The following ARHGEF4 variants were observed in gnomAD, a reference collection of about 807,000 sequenced individuals.
The protein encoded by ARHGEF4 is Rho guanine nucleotide exchange factor 4, also known as APC-stimulated guanine nucleotide exchange factor 1.
In ARHGEF4, 119 loss-of-function variants were observed where a neutral mutation model predicts 162.0. That is an observed-to-expected ratio of 0.73 (90% CI 0.63 to 0.86). The LOEUF (loss-of-function observed/expected upper bound fraction) is 0.86, where lower values mean the gene tolerates loss of function less well. ARHGEF4 is among the 40% of genes least tolerant of loss of function. ARHGEF4 has a pLI of 0.00. For missense variants in ARHGEF4, 2,488 were observed against 2,456.0 expected, an observed-to-expected ratio of 1.01 and a Z score of -0.28; for synonymous variants, 1,014 against 979.9, an observed-to-expected ratio of 1.03 and a Z score of -0.65.
intron 1 of ARHGEF4, among the ~76,000 whole-genome samples, chr2:130,842,224 G>A (rs1680660180): frequency 6.6e-6 from 1 of 152,162 alleles, no homozygotes; most frequent in African/African-American, 2.4e-5. Flanking sequence ...AGGAGCAAGG[G>A]TTCAGTGGGG....
intron 4 of ARHGEF4, among the ~76,000 whole-genome samples, chr2:130,984,616 G>A (rs1280321844): frequency 6.9e-6 from 1 of 144,512 alleles, no homozygotes; most frequent in African/African-American, 2.5e-5. Context: ...TTGAACCCGG[G>A]AGGCAGAGGT....
intron 1 of ARHGEF4, among the ~76,000 whole-genome samples, chr2:130,879,443 A>G (rs1273483093): frequency 6.6e-6 from 1 of 152,132 alleles, no homozygotes; most frequent in Non-Finnish European, 1.5e-5. Flanking sequence ...TGCTTTTTTG[A>G]TGAGAACTGT....
intron 3 of ARHGEF4, among the ~76,000 whole-genome samples, chr2:130,935,191 G>C (rs1213560091): frequency 1.3e-5 from 2 of 151,060 alleles, no homozygotes; most frequent in Non-Finnish European, 3.0e-5. Context: ...TAGAGACTGA[G>C]TTATGGGACT....
chr2:130,922,134 C>T (rs1024025945), intron 2 of ARHGEF4, among the ~76,000 whole-genome samples: 3 of 151,948 alleles, frequency 2.0e-5, no homozygotes, highest in African/African-American at 7.2e-5. Context: ...CTTTGGGAGG[C>T]CGAGGCAGCA....
At position 131,036,562 on chromosome 2, in the gene ARHGEF4, C is replaced by T. The variant is rs543060577; in HGVS notation, c.4126-2291C>T. ...CTTGCCCGACACCTGGTGACCTTCC[C>T]TGGCAGCTATGTGGGGGGCCACCTA... On this transcript the variant is annotated intron_variant, in intron 5 of 13. Transcript: ENST00000409359. Among the ~76,000 whole-genome samples, 178 of 152,352 alleles carry T rather than the reference C, an allele frequency of 1.2e-3. 1 individual carries two copies. Among genetic ancestry groups the T allele is most frequent in the African/African-American group, 3.8e-3 (156 of 41,598 alleles).
rs188000753 is a variant in ARHGEF4, at chr2:131,042,213, A to G, written c.5025+269A>G. Among the ~76,000 whole-genome samples the G allele has an allele frequency of 2.7e-3, 408 of 152,310 alleles. 4 individuals are homozygous for G. The highest frequency in any genetic ancestry group is 9.5e-3 in the African/African-American group (393 of 41,580). The stretch of plus-strand genomic sequence containing the variant: ...CCAGCCAGCCCAGGAGAAGCCCTCA[A>G]CAGAGGAAGTGTGTTCCTCAGCTGT... On this transcript the variant is annotated intron_variant, in intron 10 of 13. Transcript: ENST00000409359.
intron 4 of ARHGEF4, among the ~76,000 whole-genome samples, chr2:130,970,587 C>CA (rs57254908): frequency 8.6e-6 from 1 of 116,956 alleles, no homozygotes; most frequent in Non-Finnish European, 1.8e-5. Flanking sequence ...GAAACTCCAT[C>CA]AAAAAAAAAA....
chr2:130,970,667 C>A (rs549114372), intron 4 of ARHGEF4, among the ~76,000 whole-genome samples: 10 of 151,758 alleles, frequency 6.6e-5, no homozygotes, highest in South Asian at 4.2e-4. Flanking sequence ...ATTTTCCTAG[C>A]AACTCCTAAT....
chr2:130,900,152 C>T (rs9973703), intron 1 of ARHGEF4, among the ~76,000 whole-genome samples: 15,550 of 151,750 alleles, frequency 0.1, 1,570 homozygotes, highest in African/African-American at 0.26. Flanking sequence ...AGGTTTATTT[C>T]GGTGAATGTT....
rs189638499 is a variant in ARHGEF4 at position 130,959,354 on chromosome 2, A to C, written c.3985+12719A>C. Among the ~76,000 whole-genome samples the C allele has an allele frequency of 4.6e-5, 7 of 152,312 alleles. No homozygotes were observed. In the East Asian group the frequency reaches 1.4e-3, roughly 29 times the overall value. The stretch of plus-strand genomic sequence containing the variant: ...GGACATTGATGGTATTCCAACACAA[A>C]GTGTCTGGGGAATCCTCTGAATGGG... On this transcript the variant is annotated intron_variant, in intron 4 of 13. Coordinates refer to ENST00000409359, the MANE Select transcript of ARHGEF4 (RefSeq NM_001367493.1).
At chr2:130,840,695 G>C (rs1363342656) in intron 1 of ARHGEF4, among the ~76,000 whole-genome samples, 1 of 152,166 alleles carries the variant, frequency 6.6e-6, no homozygotes, top group Non-Finnish European at 1.5e-5. Context: ...GGTGGATGCA[G>C]GGCACAGCTC....
intron 4 of ARHGEF4, among the ~76,000 whole-genome samples, chr2:131,004,401 A>G (rs546751656): frequency 1.3e-5 from 2 of 152,286 alleles, no homozygotes; most frequent in East Asian, 3.9e-4. Context: ...ACCTGACTTC[A>G]TGATCCCCCT....
intron 3 of ARHGEF4, among the ~76,000 whole-genome samples, chr2:130,942,906 TGG>T (rs1683397200): frequency 1.3e-5 from 2 of 152,204 alleles, no homozygotes; most frequent in Non-Finnish European, 2.9e-5. Context: ...TTGAAAATAA[TGG>T]GTATTCTGCT....
intron 1 of ARHGEF4, among the ~76,000 whole-genome samples, chr2:130,895,062 A>G (rs557518553): frequency 3.3e-5 from 5 of 152,308 alleles, no homozygotes; most frequent in East Asian, 1.9e-4. Flanking sequence ...CTATTATTTA[A>G]AAAAGCCCTT....
At chr2:130,944,967 T>C (rs1458311851) in intron 3 of ARHGEF4, among the ~76,000 whole-genome samples, 1 of 152,206 alleles carries the variant, frequency 6.6e-6, no homozygotes, top group Admixed American at 6.5e-5. Flanking sequence ...AGGGGCTGTT[T>C]CTTATGTCAG....
Position 130,908,570 on chromosome 2 carries a change from G to A in ARHGEF4, c.40-5416G>A, listed in dbSNP as rs534530712. Among the ~76,000 whole-genome samples, 4 of 152,270 alleles carry A rather than the reference G, an allele frequency of 2.6e-5. No homozygotes were observed. The South Asian group carries it at 8.3e-4, about 32-fold the overall frequency. On this transcript the variant is annotated intron_variant, in intron 1 of 13. Coordinates refer to ENST00000409359, the MANE Select transcript of ARHGEF4 (RefSeq NM_001367493.1). Reference sequence around the variant, plus strand: ...GGGAGCCTGTCATCCCAGCTACTTGGGAGGCTGAGGCAGGAGAATCACTTG... The same window carrying A: ...GGGAGCCTGTCATCCCAGCTACTTGAGAGGCTGAGGCAGGAGAATCACTTG...
In ARHGEF4 at chr2:131,044,487, C is replaced by T. The variant is rs1301200509; in HGVS notation, c.5346C>T (p.Arg1782=). The T allele has an allele frequency of 1.3e-6, 2 of 1,552,630 alleles. No individual in the cohort carries two copies. ...CCAGGAAGCCCGAGCAGAAGCAGCG[C>T]TGGCTCAAGGCCTTTGCCAGGGAGA... is the stretch of plus-strand genomic sequence containing the variant. ...LCTRKPEQKQ[R]WLKAFARERE... Residue 1782 remains arginine (R), a synonymous_variant, in exon 12 of 14, where the codon CGC becomes CGT. Coordinates refer to ENST00000409359, the MANE Select transcript of ARHGEF4 (RefSeq NM_001367493.1).
chr2:130,883,796 G>A (rs929789491), intron 1 of ARHGEF4, among the ~76,000 whole-genome samples: 18 of 152,144 alleles, frequency 1.2e-4, no homozygotes, highest in African/African-American at 4.4e-4. Context: ...CCTGCCTCCT[G>A]GTGTCTGCAG....
intron 1 of ARHGEF4, among the ~76,000 whole-genome samples, chr2:130,887,413 T>C (rs1337965407): frequency 6.6e-6 from 1 of 152,072 alleles, no homozygotes; most frequent in Non-Finnish European, 1.5e-5. Flanking sequence ...CACTTAACAA[T>C]ATTAAGCCTA....
Sources: allele counts gnomAD v4.1 joint callset (sites outside exome capture counted in the v4.1 genomes callset), GRCh38; gene constraint gnomAD v4.1.1; transcripts MANE v1.5; gene names NCBI Gene and HGNC (gene_info 2026-07-23, HGNC 2026-07-21).